The following TEX2 variants were observed in gnomAD, a reference collection of about 807,000 sequenced individuals.
TEX2 encodes testis-expressed protein 2.
A neutral mutation model predicts 106.9 loss-of-function variants in TEX2; 53 were observed. The ratio of observed to expected loss-of-function variants is 0.50; its 90% CI spans 0.40 to 0.62. The LOEUF (loss-of-function observed/expected upper bound fraction) is 0.62, where lower values mean the gene tolerates loss of function less well. Ranked by LOEUF, TEX2 falls within the 20% of genes least tolerant of loss-of-function variation. The pLI is 0.00. For synonymous variants in TEX2, 523 were observed against 534.8 expected (o/e 0.98, Z 0.30); for missense variants, 1,207 against 1,379.0 (o/e 0.88, Z 1.98).
At position 64,233,291 on chromosome 17, in the gene TEX2, C is replaced by T. The variant is rs139445700; in HGVS notation, c.-25-19049G>A. Among the ~76,000 whole-genome samples the T allele has an allele frequency of 6.2e-3, 945 of 152,246 alleles. 9 individuals carry two copies. The highest frequency in any genetic ancestry group is 0.022 in the African/African-American group (905 of 41,554). ...GCATTACACTTTAAAAACACACATGCGGCCTGGTGTGGTGGCTCGCGCCTG... is the reference window on the plus strand; with the variant it reads ...GCATTACACTTTAAAAACACACATGTGGCCTGGTGTGGTGGCTCGCGCCTG... On this transcript the variant is annotated intron_variant, in intron 1 of 11. Coordinates refer to ENST00000584379, the MANE Select transcript of TEX2 (RefSeq NM_001288732.2).
chr17:64,220,311 T>C (rs1235057867), intron 1 of TEX2, among the ~76,000 whole-genome samples: 1 of 152,116 alleles, frequency 6.6e-6, no homozygotes, highest in Non-Finnish European at 1.5e-5. Context: ...GATTTCATGA[T>C]GAAAACGTCA....
chr17:64,259,146 T>A (rs184023393), intron 1 of TEX2, among the ~76,000 whole-genome samples: 46 of 152,272 alleles, frequency 3.0e-4, no homozygotes, highest in African/African-American at 9.4e-4. Context: ...CACGCAGCCA[T>A]TGGGAAATAT....
At chr17:64,232,575 G>A (rs2033682340) in intron 1 of TEX2, among the ~76,000 whole-genome samples, 1 of 152,186 alleles carries the variant, frequency 6.6e-6, no homozygotes, top group Non-Finnish European at 1.5e-5. Flanking sequence ...ATAGTCAAGG[G>A]CACTCACATT....
intron 1 of TEX2, among the ~76,000 whole-genome samples, chr17:64,216,765 CTGCT>C (rs2033200483): frequency 6.6e-6 from 1 of 152,210 alleles, no homozygotes; most frequent in African/African-American, 2.4e-5. Flanking sequence ...CACCAGGACC[CTGCT>C]TGCCTAATCC....
At chr17:64,262,794 G>A (rs1477997657) in intron 1 of TEX2, among the ~76,000 whole-genome samples, 14 of 152,360 alleles carry the variant, frequency 9.2e-5, no homozygotes, top group African/African-American at 2.9e-4. Context: ...GCCGGTGAGG[G>A]GGGCGGCAGG....
intron 4 of TEX2, among the ~76,000 whole-genome samples, 187 bp downstream of exon 4, chr17:64,193,372 T>G (rs2032361556): frequency 6.6e-6 from 1 of 152,174 alleles, no homozygotes. Flanking sequence ...GGTTAAATGA[T>G]TTGGGACAGA....
chr17:64,238,298 C>T (rs1309595678), intron 1 of TEX2, among the ~76,000 whole-genome samples: 1 of 152,064 alleles, frequency 6.6e-6, no homozygotes, highest in African/African-American at 2.4e-5. Context: ...GACTCTGTCT[C>T]AAAATAAATA....
At chr17:64,165,764 C>T (rs528834184) in intron 7 of TEX2, among the ~76,000 whole-genome samples, 2 of 152,294 alleles carry the variant, frequency 1.3e-5, no homozygotes, top group East Asian at 3.9e-4. Flanking sequence ...TGTGAAGGCA[C>T]CAGGCACGTG....
At chr17:64,204,276 CA>C (rs1273117251) in intron 2 of TEX2, among the ~76,000 whole-genome samples, 1 of 152,076 alleles carries the variant, frequency 6.6e-6, no homozygotes, top group East Asian at 1.9e-4. Context: ...AAATAAAGAG[CA>C]AAAGATGAAA....
intron 11 of TEX2, chr17:64,149,901 C>T (rs1218866254): frequency 8.1e-6 from 1 of 124,122 alleles, no homozygotes; most frequent in Non-Finnish European, 1.6e-5. Context: ...CTGGGCGACA[C>T]AGCAAGACTC....
intron 1 of TEX2, among the ~76,000 whole-genome samples, chr17:64,228,728 A>T (rs1474711114): frequency 6.6e-6 from 1 of 152,104 alleles, no homozygotes; most frequent in African/African-American, 2.4e-5. Context: ...TGGCCCGGGG[A>T]TTGGGGACCC....
chr17:64,206,924 C>T (rs562138027), intron 2 of TEX2, among the ~76,000 whole-genome samples: 3 of 152,076 alleles, frequency 2.0e-5, no homozygotes, highest in Admixed American at 6.5e-5. Context: ...GAGCGGGAGA[C>T]GGCGGAGTAC....
chr17:64,182,197 T>G (rs8072509), intron 5 of TEX2, among the ~76,000 whole-genome samples: 145,011 of 152,280 alleles, frequency 0.95, 69,134 homozygotes, highest in East Asian at 1. Flanking sequence ...AATCTTGAGG[T>G]CATTAGGCTA....
chr17:64,151,314 A>G (rs2030344627), intron 10 of TEX2, among the ~76,000 whole-genome samples: 1 of 152,214 alleles, frequency 6.6e-6, no homozygotes, highest in African/African-American at 2.4e-5. Context: ...CATTACAAAA[A>G]CAAAACATAC....
rs763557400 is a variant in TEX2 at position 64,147,732 on chromosome 17, CAT to C, written c.*1235_*1236del. ...GGTGCAATTAAAATAAGGGTTCAAA[CAT>C]GTTTTCAATATATTAATTTCTTTAA... On this transcript the variant is annotated 3_prime_UTR_variant, in exon 12 of 12. Transcript: ENST00000584379. The C allele has an allele frequency of 1.3e-5, 2 of 152,586 alleles. No individual in the cohort carries two copies. The highest frequency in any genetic ancestry group is 2.1e-4 in the South Asian group (1 of 4,830). The allele number at this position is 152,586 out of a possible 1,614,324, so 9.5% of individuals were successfully genotyped here.
chr17:64,234,548 T>C (rs2033726691), intron 1 of TEX2, among the ~76,000 whole-genome samples: 1 of 152,162 alleles, frequency 6.6e-6, no homozygotes, highest in South Asian at 2.1e-4. Context: ...TCATCCTCCA[T>C]GGCGCAGCTG....
chr17:64,170,013 C>T (rs2031315053), intron 7 of TEX2, among the ~76,000 whole-genome samples: 1 of 152,152 alleles, frequency 6.6e-6, no homozygotes, highest in Non-Finnish European at 1.5e-5. Context: ...CTCCTGTGTA[C>T]TAAATTTTCC....
At chr17:64,206,380 T>G (rs571025412) in intron 2 of TEX2, among the ~76,000 whole-genome samples, 4 of 152,322 alleles carry the variant, frequency 2.6e-5, no homozygotes, top group Admixed American at 2.0e-4. Flanking sequence ...GCCAATACCA[T>G]GTGCATTCAC....
rs78520211 is a variant in TEX2, at chr17:64,161,422, T to C, written c.2672-489A>G. Among the ~76,000 whole-genome samples, 579 of 152,242 alleles carry C rather than the reference T, an allele frequency of 3.8e-3. 31 individuals carry two copies. The East Asian group carries it at 0.11, about 28-fold the overall frequency. ...CTGTCTTTCTTAAAATTCTCCAGTA[T>C]TGGGAGTGGGACACAGAAAATGGCT... On this transcript the variant is annotated intron_variant, in intron 7 of 11. Transcript: ENST00000584379.
Sources: allele counts gnomAD v4.1 joint callset (sites outside exome capture counted in the v4.1 genomes callset), GRCh38; gene constraint gnomAD v4.1.1; transcripts MANE v1.5; gene names NCBI Gene and HGNC (gene_info 2026-07-23, HGNC 2026-07-21).